The following RPS6KA2 variants were observed in gnomAD, a reference collection of about 807,000 sequenced individuals.
RPS6KA2 encodes ribosomal protein S6 kinase alpha-2.
A neutral mutation model predicts 91.8 loss-of-function variants in RPS6KA2; 42 were observed. That is an observed-to-expected ratio of 0.46 (90% CI 0.36 to 0.59). The LOEUF (loss-of-function observed/expected upper bound fraction) is 0.59. Ranked by LOEUF, RPS6KA2 falls within the 20% of genes least tolerant of loss-of-function variation. The pLI is 0.00. For synonymous variants in RPS6KA2, 414 were observed against 393.6 expected (o/e 1.05, Z -0.61); for missense variants, 798 against 978.5 (o/e 0.82, Z 2.46).
chr6:166,741,848 C>T (rs902341946), intron 2 of RPS6KA2, among the ~76,000 whole-genome samples: 5 of 152,308 alleles, frequency 3.3e-5, no homozygotes, highest in Non-Finnish European at 5.9e-5. Context: ...AAGGCCAGGC[C>T]GGGCGCAGTG....
rs1416301841 is a variant in RPS6KA2, at chr6:166,500,378, GC to G, written c.604+508del. ...ACTGAATTTGCTGGTGGCTGCCAGG[GC>G]TCAGATGGAAACAGGGAGGGAAGTC... On this transcript the variant is annotated intron_variant, in intron 7 of 20. Coordinates refer to ENST00000265678, the MANE Select transcript of RPS6KA2 (RefSeq NM_021135.6). This position sits in a 1 kb window ranked among gnomAD's most constrained non-coding sequence, Gnocchi z 4.3. Among the ~76,000 whole-genome samples the G allele has an allele frequency of 6.6e-6, 1 of 152,226 alleles. No homozygotes were observed. Among genetic ancestry groups the G allele is most frequent in the African/African-American group, 2.4e-5 (1 of 41,462 alleles).
At chr6:166,476,721 G>A (rs1780988762) in intron 10 of RPS6KA2, among the ~76,000 whole-genome samples, 1 of 152,080 alleles carries the variant, frequency 6.6e-6, no homozygotes, top group Non-Finnish European at 1.5e-5. Flanking sequence ...CACTAGGGGA[G>A]ACACCAAGAG....
chr6:166,425,616 C>T (rs1468656370), intron 16 of RPS6KA2, among the ~76,000 whole-genome samples: 1 of 151,662 alleles, frequency 6.6e-6, no homozygotes, highest in African/African-American at 2.4e-5. Context: ...ATCTACCAAG[C>T]AAATGGAAAA....
In RPS6KA2 at chr6:166,732,318, C is replaced by T. The variant is rs1017850509; in HGVS notation, c.123+125882G>A. Reference sequence around the variant, plus strand: ...AGTATGTCTTTCCATTGGGATGAAGCATTCTCAGAAATATCTCAGAAAAGT... The same window carrying T: ...AGTATGTCTTTCCATTGGGATGAAGTATTCTCAGAAATATCTCAGAAAAGT... On this transcript the variant is annotated intron_variant, in intron 2 of 21. Transcript: ENST00000503859. The surrounding 1 kb of genome is among the most constrained non-coding windows in gnomAD (Gnocchi z 4.0). 1.3e-5 allele frequency among the ~76,000 whole-genome samples: 2 copies of T among 152,278 alleles called. No individual in the cohort carries two copies. Among genetic ancestry groups the T allele is most frequent in the African/African-American group, 4.8e-5 (2 of 41,550 alleles).
intron 10 of RPS6KA2, among the ~76,000 whole-genome samples, chr6:166,477,033 G>A (rs1413592824): frequency 6.6e-6 from 1 of 152,202 alleles, no homozygotes; most frequent in Non-Finnish European, 1.5e-5. Flanking sequence ...GCAGAGGTAA[G>A]TTCCAGCCAC....
chr6:166,702,230 A>G, intron 2 of RPS6KA2: 1 of 1,611,620 alleles, frequency 6.2e-7, no homozygotes, highest in Non-Finnish European at 8.5e-7. Flanking sequence ...GGGAACCAGC[A>G]GGCACAGAGG....
In RPS6KA2 at chr6:166,457,387, T is replaced by C. The variant is rs145027383; in HGVS notation, c.1075+2062A>G. On this transcript the variant is annotated intron_variant, in intron 12 of 20. Transcript: ENST00000265678. Reference sequence around the variant, plus strand: ...CTGTGAATTGGGTTAAGTTTGTCAATGGGAAGGACCAACCCCAACACACAA... The same window carrying C: ...CTGTGAATTGGGTTAAGTTTGTCAACGGGAAGGACCAACCCCAACACACAA... Among the ~76,000 whole-genome samples, 1,200 of 152,320 alleles carry C rather than the reference T, an allele frequency of 7.9e-3. 12 individuals are homozygous for C. Among genetic ancestry groups the C allele is most frequent in the Non-Finnish European group, 7.7e-3 (522 of 68,034 alleles).
intron 2 of RPS6KA2, among the ~76,000 whole-genome samples, chr6:166,749,521 T>C (rs528757451): frequency 7.6e-3 from 1 of 132 alleles, no homozygotes. Context: ...GCCCCCATCT[T>C]CTCGGGCCCC....
At chr6:166,643,650 T>C (rs1787517680) in intron 2 of RPS6KA2, among the ~76,000 whole-genome samples, 1 of 152,240 alleles carries the variant, frequency 6.6e-6, no homozygotes, top group Non-Finnish European at 1.5e-5. Flanking sequence ...CTTGGGCCAT[T>C]GTATATCTTG....
At chr6:166,524,896 A>G (rs1225543292) in intron 3 of RPS6KA2, among the ~76,000 whole-genome samples, 3 of 152,202 alleles carry the variant, frequency 2.0e-5, no homozygotes, top group East Asian at 1.9e-4. Context: ...TGGCCCCTGT[A>G]TCAGGGATTC....
intron 1 of RPS6KA2, among the ~76,000 whole-genome samples, chr6:166,561,578 A>G (rs1784345836): frequency 6.6e-6 from 1 of 151,776 alleles, no homozygotes; most frequent in South Asian, 2.1e-4. Flanking sequence ...GTCCTGGGTC[A>G]GTGCTTACCT....
chr6:166,782,910 C>G (rs1343220866), intron 2 of RPS6KA2, among the ~76,000 whole-genome samples: 1 of 143,742 alleles, frequency 7.0e-6, no homozygotes, highest in Non-Finnish European at 1.5e-5. Context: ...TGGAGGCCAC[C>G]CCAGGCTTGT....
At chr6:166,851,226 G>GGA (rs1780733084) in intron 2 of RPS6KA2, among the ~76,000 whole-genome samples, 1 of 152,178 alleles carries the variant, frequency 6.6e-6, no homozygotes, top group South Asian at 2.1e-4. Context: ...GCAGGCAGGA[G>GGA]GAGAGCCACG....
intron 2 of RPS6KA2, among the ~76,000 whole-genome samples, chr6:166,751,348 T>A (rs1791276757): frequency 6.6e-6 from 1 of 152,156 alleles, no homozygotes; most frequent in Non-Finnish European, 1.5e-5. Context: ...GCTGCCAGGG[T>A]CCCGTCAAAC....
chr6:166,764,563 G>A (rs1436567354), intron 2 of RPS6KA2, among the ~76,000 whole-genome samples: 2 of 152,124 alleles, frequency 1.3e-5, no homozygotes, highest in Non-Finnish European at 2.9e-5. Context: ...CGCAGGCCTA[G>A]ATGGGGAAGC....
At position 166,456,351 on chromosome 6, in the gene RPS6KA2, T is replaced by G. The variant is rs898699474; in HGVS notation, c.1075+3098A>C. The stretch of plus-strand genomic sequence containing the variant: ...TTTATAATCACCTGAGGGATGCCGA[T>G]TTTCAGCACAGTATTTAAGAAGAGC... On this transcript the variant is annotated intron_variant, in intron 12 of 20. Transcript: ENST00000265678. Among the ~76,000 whole-genome samples the G allele has an allele frequency of 2.6e-5, 4 of 152,252 alleles. No homozygotes were observed. The South Asian group carries it at 8.3e-4, about 32-fold the overall frequency.
chr6:166,539,322 CCAAGG>C (rs1783582082), intron 1 of RPS6KA2, among the ~76,000 whole-genome samples: 1 of 152,172 alleles, frequency 6.6e-6, no homozygotes, highest in Non-Finnish European at 1.5e-5. Context: ...TTTGGTCTTA[CCAAGG>C]CCTCCGAAAA....
chr6:166,464,300 C>G (rs1562511911), intron 11 of RPS6KA2, among the ~76,000 whole-genome samples: 1 of 152,240 alleles, frequency 6.6e-6, no homozygotes, highest in Non-Finnish European at 1.5e-5. Context: ...TCTCATTGTC[C>G]TGTGCCTCAG....
intron 10 of RPS6KA2, among the ~76,000 whole-genome samples, chr6:166,488,285 T>C (rs577417159): frequency 2.0e-5 from 3 of 151,552 alleles, no homozygotes; most frequent in African/African-American, 4.9e-5. Context: ...ACCCTGCTCC[T>C]GCTGCTGTCT....
Sources: allele counts gnomAD v4.1 joint callset (sites outside exome capture counted in the v4.1 genomes callset), GRCh38; gene constraint gnomAD v4.1.1; non-coding constraint Gnocchi (gnomAD v3.1); transcripts MANE v1.5; gene names NCBI Gene and HGNC (gene_info 2026-07-23, HGNC 2026-07-21).